PIBF1: variants seen among roughly 807,000 people sequenced by gnomAD.
The protein encoded by PIBF1 is progesterone-induced-blocking factor 1.
Under a neutral mutation model 112.5 loss-of-function variants are expected in PIBF1, and 90 were observed. The observed-to-expected ratio is 0.80, with a 90% CI of 0.67 to 0.95. PIBF1 has a LOEUF of 0.95. PIBF1 is among the 40% of genes least tolerant of loss of function. PIBF1 has a pLI of 0.00. For synonymous variants in PIBF1, 301 were observed against 288.6 expected (o/e 1.04, Z -0.44); for missense variants, 915 against 852.3 (o/e 1.07, Z -0.92).
chr13:72,964,998 G>GT (rs1293269220), intron 14 of PIBF1, among the ~76,000 whole-genome samples: 4 of 152,078 alleles, frequency 2.6e-5, no homozygotes, highest in Non-Finnish European at 5.9e-5. Context: ...GAAGGCGGAG[G>GT]TTGCAGTGAG....
At chr13:72,956,713 G>C (rs1331754097) in intron 14 of PIBF1, among the ~76,000 whole-genome samples, 2 of 152,066 alleles carry the variant, frequency 1.3e-5, no homozygotes, top group Admixed American at 6.5e-5. Flanking sequence ...GGTGTCCCTC[G>C]GGTGCCTGCC....
intron 5 of PIBF1, among the ~76,000 whole-genome samples, chr13:72,808,251 T>G (rs1437874359): frequency 6.6e-6 from 1 of 152,234 alleles, no homozygotes; most frequent in Admixed American, 6.5e-5. Flanking sequence ...GTTTACTTAT[T>G]ATGAACATAT....
chr13:72,915,269 G>T (rs889771026), intron 12 of PIBF1, among the ~76,000 whole-genome samples: 4 of 152,056 alleles, frequency 2.6e-5, no homozygotes, highest in Non-Finnish European at 5.9e-5. Flanking sequence ...CTGAATCTCA[G>T]TCTCCCCATA....
chr13:72,908,094 G>T (rs2040762851), intron 11 of PIBF1, among the ~76,000 whole-genome samples: 1 of 152,122 alleles, frequency 6.6e-6, no homozygotes, highest in Non-Finnish European at 1.5e-5. Context: ...CATAGTAAGG[G>T]TAATTCAATA....
intron 8 of PIBF1, among the ~76,000 whole-genome samples, chr13:72,829,866 G>A (rs1216533308): frequency 6.6e-6 from 1 of 152,126 alleles, no homozygotes; most frequent in African/African-American, 2.4e-5. Flanking sequence ...AAATTACTTT[G>A]GGCAGTATGG....
chr13:72,805,970 A>G (rs1467769447), intron 5 of PIBF1, among the ~76,000 whole-genome samples: 2 of 152,272 alleles, frequency 1.3e-5, no homozygotes, highest in Non-Finnish European at 2.9e-5. Flanking sequence ...ATATATAAAG[A>G]GAAAATAGAG....
Position 73,015,976 on chromosome 13 carries a change from A to C in PIBF1, c.*57A>C, listed in dbSNP as rs2044371535. ...ATATACTCCTGAAGTTCTTTTTCTG[A>C]TGGAAAACAAAATTCAGCTTAATCG... On this transcript the variant is annotated 3_prime_UTR_variant, in exon 18 of 18. Transcript: ENST00000326291. 9.6e-7 allele frequency: 1 copy of C among 1,045,396 alleles called. No individual in the cohort carries two copies. 64.8% of individuals were successfully genotyped at this position (1,045,396 alleles called of 1,614,324 possible).
intron 13 of PIBF1, among the ~76,000 whole-genome samples, chr13:72,922,973 T>C (rs1223793561): frequency 4.6e-5 from 7 of 152,198 alleles, no homozygotes; most frequent in Admixed American, 4.6e-4. Context: ...GGACCAGCCT[T>C]AAGCTTTTTG....
chr13:72,870,874 C>T (rs2138426936), intron 10 of PIBF1, among the ~76,000 whole-genome samples: 1 of 148,506 alleles, frequency 6.7e-6, no homozygotes, highest in East Asian at 2.0e-4. Context: ...TCAGAGTGTA[C>T]AAGTAGATAG....
intron 14 of PIBF1, among the ~76,000 whole-genome samples, chr13:72,942,233 A>C (rs2042032166): frequency 6.7e-6 from 1 of 148,756 alleles, no homozygotes; most frequent in South Asian, 2.2e-4. Context: ...TTAAATTTCA[A>C]GGTCAACCAT....
intron 11 of PIBF1, among the ~76,000 whole-genome samples, chr13:72,896,815 C>T (rs962334929): frequency 1.3e-5 from 2 of 152,070 alleles, no homozygotes; most frequent in Non-Finnish European, 2.9e-5. Flanking sequence ...AACAACCAAA[C>T]CTAAGAGTAA....
intron 9 of PIBF1, among the ~76,000 whole-genome samples, chr13:72,839,456 A>G (rs1302502464): frequency 6.6e-6 from 1 of 152,222 alleles, no homozygotes; most frequent in Non-Finnish European, 1.5e-5. Context: ...CTACAAATAA[A>G]AGAGTTGACT....
chr13:72,865,902 A>G (rs2038905716), intron 10 of PIBF1, among the ~76,000 whole-genome samples: 1 of 152,236 alleles, frequency 6.6e-6, no homozygotes, highest in African/African-American at 2.4e-5. Flanking sequence ...TTAATTTCAT[A>G]GGGTTGCAAT....
intron 16 of PIBF1, among the ~76,000 whole-genome samples, chr13:72,994,155 G>C (rs560010032): frequency 1.3e-5 from 2 of 152,126 alleles, no homozygotes; most frequent in South Asian, 4.2e-4. Context: ...GGTAGAGGCC[G>C]GAGGCGGGGA....
In PIBF1 at chr13:72,962,013, AC is replaced by A. The variant is rs2042619929; in HGVS notation, c.1834-3260del. ...AAATACTAACTTAAGAAAAAAAACT[AC>A]AGCACTGAAAAGATTTGTTGTAATA... is the stretch of plus-strand genomic sequence containing the variant. On this transcript the variant is annotated intron_variant, in intron 14 of 17. Transcript: ENST00000326291. Among the ~76,000 whole-genome samples the A allele has an allele frequency of 1.3e-5, 2 of 152,114 alleles. 1 individual carries two copies. The highest frequency in any genetic ancestry group is 4.1e-4 in the South Asian group (2 of 4,828).
chr13:72,874,239 C>G (rs1340201263), intron 10 of PIBF1, among the ~76,000 whole-genome samples: 3 of 152,120 alleles, frequency 2.0e-5, no homozygotes, highest in East Asian at 3.9e-4. Flanking sequence ...CCCAGCATTC[C>G]TATTTCTAGT....
intron 14 of PIBF1, among the ~76,000 whole-genome samples, chr13:72,932,254 A>T (rs1370810544): frequency 6.6e-6 from 1 of 152,116 alleles, no homozygotes; most frequent in East Asian, 1.9e-4. Flanking sequence ...AGAAGTTAAT[A>T]TTTTAAAAGT....
chr13:73,005,067 C>A (rs564189578), intron 17 of PIBF1, among the ~76,000 whole-genome samples: 35 of 152,102 alleles, frequency 2.3e-4, no homozygotes, highest in African/African-American at 8.2e-4. Flanking sequence ...TGCCTGTAAT[C>A]CCGAGGCTGA....
chr13:72,822,915 G>C (rs2036625551), intron 6 of PIBF1, among the ~76,000 whole-genome samples: 1 of 152,138 alleles, frequency 6.6e-6, no homozygotes, highest in Admixed American at 6.6e-5. Context: ...CTGGAATAAA[G>C]CTGGAGTTCA....
Sources: allele counts gnomAD v4.1 joint callset (sites outside exome capture counted in the v4.1 genomes callset), GRCh38; gene constraint gnomAD v4.1.1; transcripts MANE v1.5; gene names NCBI Gene and HGNC (gene_info 2026-07-23, HGNC 2026-07-21).